The following NFE2L3 variants were observed in gnomAD, a reference collection of about 807,000 sequenced individuals.
The protein encoded by NFE2L3 is nuclear factor erythroid 2-related factor 3.
In NFE2L3, 18 loss-of-function variants were observed where a neutral mutation model predicts 23.5. That is an observed-to-expected ratio of 0.77 (90% confidence interval 0.53 to 1.13). The LOEUF is 1.13. Ranked by LOEUF, NFE2L3 falls within the 50% of genes most tolerant of loss-of-function variation. The pLI is 0.00. For synonymous variants in NFE2L3, 424 were observed against 354.5 expected (o/e 1.20, Z -2.20); for missense variants, 1,152 against 877.2 (o/e 1.31, Z -3.96).
At chr7:26,171,709 T>C (rs140646719) in intron 1 of NFE2L3, among the ~76,000 whole-genome samples, 1 of 152,180 alleles carries the variant, frequency 6.6e-6, no homozygotes, top group Non-Finnish European at 1.5e-5. Flanking sequence ...ATTAGTTCAC[T>C]TGTATTTTTG....
At chr7:26,154,108 T>G (rs1182299914) in intron 1 of NFE2L3, among the ~76,000 whole-genome samples, 1 of 152,066 alleles carries the variant, frequency 6.6e-6, no homozygotes, top group Non-Finnish European at 1.5e-5. Context: ...TTCTCCACCC[T>G]CCTGGAGGGG....
chr7:26,164,501 G>A (rs1239241228), intron 1 of NFE2L3, among the ~76,000 whole-genome samples: 1 of 152,044 alleles, frequency 6.6e-6, no homozygotes, highest in South Asian at 2.1e-4. Flanking sequence ...TGTTGATGGG[G>A]TTGTTTGTTT....
At chr7:26,161,352 TTTTTTTTTTTTTG>T (rs1326326245) in intron 1 of NFE2L3, among the ~76,000 whole-genome samples, 14 of 102,204 alleles carry the variant, frequency 1.4e-4, no homozygotes, top group East Asian at 5.9e-4. Context: ...TTTTTTTTTT[TTTTTTTTTTTTTG>T]GGTCTTACCT....
rs976053026 is a variant in NFE2L3, at chr7:26,184,996, T to C, written c.1298T>C (p.Ile433Thr). 4 of 1,613,780 alleles carry C rather than the reference T, an allele frequency of 2.5e-6. No individual in the cohort carries two copies. The African/African-American group carries it at 4.0e-5, about 16-fold the overall frequency. Residue 433 changes from isoleucine to threonine, a missense_variant, in exon 4 of 4, where the codon ATC (isoleucine) becomes ACC (threonine). Ile to Thr is a moderately conservative substitution (Grantham distance 89, BLOSUM62 -1). Transcript: ENST00000056233. ...TCAAGTCACAATAATACCTCTGTCA[T>C]CAAGTCTAATTCCTCTCACTCTGTG... The part of the protein sequence containing the change: ...LDSSHNNTSV[I>T]KSNSSHSVCD...
chr7:26,182,705 G>C (rs1168210766), intron 2 of NFE2L3, among the ~76,000 whole-genome samples: 1 of 151,792 alleles, frequency 6.6e-6, no homozygotes, highest in Non-Finnish European at 1.5e-5. Flanking sequence ...CTTTCAACTA[G>C]AAAGAGGCTA....
At position 26,165,052 on chromosome 7, in the gene NFE2L3, C is replaced by A. The variant is rs547460446; in HGVS notation, c.570+11984C>A. On this transcript the variant is annotated intron_variant, in intron 1 of 3. Transcript: ENST00000056233. ...TACCATGCTGTTTTGGTTACTGTAG[C>A]CTTGTAGTATAGTTTGAAGTCAGGT... 4.5e-3 allele frequency among the ~76,000 whole-genome samples: 689 copies of A among 152,266 alleles called. 5 individuals carry two copies. Among genetic ancestry groups the A allele is most frequent in the Admixed American group, 7.9e-3 (121 of 15,282 alleles).
chr7:26,174,690 T>TAG (rs1784372463), intron 1 of NFE2L3: 1 of 152,216 alleles, frequency 6.6e-6, no homozygotes. Flanking sequence ...TATCCTTTCT[T>TAG]CTGGCATCTG....
Position 26,183,834 on chromosome 7 carries a change from C to A in NFE2L3, c.834+50C>A, listed in dbSNP as rs201700764. 484 of 1,188,388 alleles carry A rather than the reference C, an allele frequency of 4.1e-4. 4 individuals are homozygous for A. The highest frequency in any genetic ancestry group is 2.3e-3 in the Middle Eastern group (12 of 5,288). 73.6% of individuals were successfully genotyped at this position (1,188,388 alleles called of 1,614,324 possible). On this transcript the variant is annotated intron_variant, in intron 3 of 3. Transcript: ENST00000056233. The stretch of plus-strand genomic sequence containing the variant: ...CTCGCAGGAACATATCTGCACTGAC[C>A]TTTTGGTGAACAAATACAACTCCTT...
chr7:26,181,586 A>G (rs1784511068), intron 2 of NFE2L3, among the ~76,000 whole-genome samples: 1 of 152,130 alleles, frequency 6.6e-6, no homozygotes, highest in Non-Finnish European at 1.5e-5. Flanking sequence ...AATGATATAA[A>G]CACTGGTTCT....
chr7:26,186,866 A>C lies in NFE2L3; in HGVS notation c.*1083A>C, dbSNP rs1401969099. 2 of 152,228 alleles carry C rather than the reference A, an allele frequency of 1.3e-5. No homozygotes were observed. Among genetic ancestry groups the C allele is most frequent in the Admixed American group, 1.3e-4 (2 of 15,286 alleles). 9.4% of individuals were successfully genotyped at this position (152,228 alleles called of 1,614,324 possible). Reference sequence around the variant, plus strand: ...TGAAATGAAAACCTCACTTAAGTTCACTAGAACAGTAAACAGGAGATTGCT... The same window carrying C: ...TGAAATGAAAACCTCACTTAAGTTCCCTAGAACAGTAAACAGGAGATTGCT... On this transcript the variant is annotated 3_prime_UTR_variant, in exon 4 of 4. Transcript: ENST00000056233.
intron 1 of NFE2L3, among the ~76,000 whole-genome samples, chr7:26,175,386 G>A (rs1391669798): frequency 6.6e-6 from 1 of 151,988 alleles, no homozygotes; most frequent in Non-Finnish European, 1.5e-5. Context: ...ATATGTGTTT[G>A]TTGTAAAATA....
chr7:26,186,008 TA>T lies in NFE2L3; in HGVS notation c.*226del. 1 of 407,620 alleles carries T rather than the reference TA, an allele frequency of 2.5e-6. No individual in the cohort carries two copies. The highest frequency in any genetic ancestry group is 4.4e-6 in the Non-Finnish European group (1 of 229,382). The allele number at this position is 407,620 out of a possible 1,614,324, so 25.3% of individuals were successfully genotyped here. On this transcript the variant is annotated 3_prime_UTR_variant, in exon 4 of 4. Coordinates refer to ENST00000056233, the MANE Select transcript of NFE2L3 (RefSeq NM_004289.7). ...CCACAACTTTTCATGAAGTGCATTG[TA>T]TACAAAATTCATAGTTATGTCCAAA...
At chr7:26,183,938 A>G (rs1245371188) in intron 3 of NFE2L3, 154 bp downstream of exon 3, 3 of 573,638 alleles carry the variant, frequency 5.2e-6, no homozygotes, top group Non-Finnish European at 9.3e-6. Flanking sequence ...AAATATGTAT[A>G]GCATTCCTCT....
At position 26,156,978 on chromosome 7, in the gene NFE2L3, G is replaced by A. The variant is rs985393832; in HGVS notation, c.570+3910G>A. Among the ~76,000 whole-genome samples the A allele has an allele frequency of 4.6e-5, 7 of 152,132 alleles. 1 individual carries two copies. Among genetic ancestry groups the A allele is most frequent in the Admixed American group, 2.0e-4 (3 of 15,276 alleles). The stretch of plus-strand genomic sequence containing the variant: ...ATACTAAAAATTAGCCGGGCACGGT[G>A]GCACGTGCCTGTAGTCCCAGCTACT... On this transcript the variant is annotated intron_variant, in intron 1 of 3. Coordinates refer to ENST00000056233, the MANE Select transcript of NFE2L3 (RefSeq NM_004289.7).
chr7:26,183,544 C>A (rs1208644730), intron 2 of NFE2L3, among the ~76,000 whole-genome samples, 157 bp from the exon 3 acceptor site: 1 of 143,720 alleles, frequency 7.0e-6, no homozygotes, highest in Non-Finnish European at 1.6e-5. Flanking sequence ...AGATCCGTCT[C>A]AAAATATAAT....
intron 1 of NFE2L3, among the ~76,000 whole-genome samples, chr7:26,170,298 T>C (rs1042790165): frequency 7.2e-5 from 11 of 152,188 alleles, no homozygotes; most frequent in Admixed American, 4.6e-4. Context: ...CTTGGCTCTT[T>C]CAGTTGCTCA....
Position 26,184,375 on chromosome 7 carries a change from G to C in NFE2L3, c.835-158G>C, listed in dbSNP as rs1287981005. The C allele has an allele frequency of 6.4e-6, 4 of 625,278 alleles. No individual in the cohort carries two copies. In the South Asian group the frequency reaches 7.9e-5, roughly 12 times the overall value. 38.7% of individuals were successfully genotyped at this position (625,278 alleles called of 1,614,324 possible). ...CTGATTTGGACTCACATCTCGTATT[G>C]TATTGCCTGTATTTAACTAGGAAGT... On this transcript the variant is annotated intron_variant, in intron 3 of 3. Transcript: ENST00000056233.
chr7:26,183,660 G>A, intron 2 of NFE2L3, 41 bp from the exon 3 acceptor site: 6 of 1,277,528 alleles, frequency 4.7e-6, no homozygotes, highest in Non-Finnish European at 6.9e-6. Flanking sequence ...AACCAGTTCA[G>A]TCTTTTATGT....
At position 26,152,653 on chromosome 7, in the gene NFE2L3, C is replaced by T; in HGVS notation, c.155C>T (p.Pro52Leu). Residue 52 changes from proline to leucine, a missense_variant, in exon 1 of 4, where the codon CCG becomes CTG. Transcript: ENST00000056233. This position sits in a 1 kb window ranked among gnomAD's most constrained non-coding sequence, Gnocchi z 4.4. ...LQDELLFLGG[P>L]ASSAYALSPF... ...GACGAGCTGCTGTTCCTGGGCGGCCCGGCCAGCTCCGCCTACGCGCTCAGC... is the reference window on the plus strand; with the variant it reads ...GACGAGCTGCTGTTCCTGGGCGGCCTGGCCAGCTCCGCCTACGCGCTCAGC... The T allele has an allele frequency of 6.7e-7, 1 of 1,500,618 alleles. No homozygotes were observed. Among genetic ancestry groups the T allele is most frequent in the Non-Finnish European group, 8.8e-7 (1 of 1,133,086 alleles). The allele number at this position is 1,500,618 out of a possible 1,614,324, so 93.0% of individuals were successfully genotyped here.
Sources: gnomAD v4.1 joint callset for allele counts (sites outside exome capture counted in the v4.1 genomes callset) on GRCh38, gnomAD v4.1.1 for gene constraint, Gnocchi (gnomAD v3.1) non-coding constraint, MANE v1.5 for transcripts, NCBI Gene and HGNC (gene_info 2026-07-23, HGNC 2026-07-21) for gene names.